ACTR2: variants seen among roughly 807,000 people sequenced by gnomAD.
ACTR2 encodes the protein actin related protein 2.
In ACTR2, 5 loss-of-function variants were observed where a neutral mutation model predicts 50.2. The ratio of observed to expected loss-of-function variants is 0.10; its 90% CI spans 0.05 to 0.21. ACTR2 has a LOEUF of 0.21. Ranked by LOEUF, ACTR2 falls within the 10% of genes least tolerant of loss-of-function variation. ACTR2 has a pLI of 1.00. For missense variants in ACTR2, 180 were observed against 480.6 expected (o/e 0.37, Z 5.85); for synonymous variants, 140 against 162.9 (o/e 0.86, Z 1.07).
chr2:65,255,630 G>C lies in ACTR2; in HGVS notation c.671G>C (p.Gly224Ala). 1 of 1,614,000 alleles carries C rather than the reference G, an allele frequency of 6.2e-7. No homozygotes were observed. Among genetic ancestry groups the C allele is most frequent in the East Asian group, 2.2e-5 (1 of 44,868 alleles). ...ATTAAAGAAAAACTGTGTTACGTGG[G>C]ATATAATATTGAGCAAGAGCAGAAA... ...RMIKEKLCYV[G>A]YNIEQEQKLA... The change falls in exon 6 of 9, where the codon GGA (glycine) becomes GCA (alanine). Residue 224 changes from glycine to alanine, a missense_variant. Transcript: ENST00000260641.
intron 8 of ACTR2, among the ~76,000 whole-genome samples, chr2:65,265,750 GT>G (rs1277707023): frequency 6.6e-6 from 1 of 152,100 alleles, no homozygotes; most frequent in Non-Finnish European, 1.5e-5. Context: ...TTTGGCATAG[GT>G]TTTTGTGTTT....
chr2:65,249,031 GAAAA>G (rs67899013), intron 3 of ACTR2, among the ~76,000 whole-genome samples: 4 of 143,702 alleles, frequency 2.8e-5, no homozygotes, highest in African/African-American at 9.9e-5. Context: ...AAAAGAAAAA[GAAAA>G]AAAAAGTTAA....
intron 1 of ACTR2, among the ~76,000 whole-genome samples, chr2:65,235,007 G>C (rs1671713457): frequency 1.3e-5 from 2 of 152,138 alleles, no homozygotes; most frequent in African/African-American, 4.8e-5. Context: ...AATTATGACT[G>C]ACATTAGGCT....
intron 1 of ACTR2, among the ~76,000 whole-genome samples, chr2:65,229,498 G>T (rs1022679806): frequency 6.6e-6 from 1 of 152,136 alleles, no homozygotes; most frequent in African/African-American, 2.4e-5. Flanking sequence ...GCTCATGCCT[G>T]TAATCCCAGC....
In ACTR2 at chr2:65,255,553, G is replaced by C; in HGVS notation, c.594G>C (p.Leu198=). ...DITRYLIKLL[L]LRGYAFNHSA... Reference sequence around the variant, plus strand: ...CTATTGTTTTGTACCAGCTACTTCTGTTGCGAGGATACGCCTTCAACCACT... The same window carrying C: ...CTATTGTTTTGTACCAGCTACTTCTCTTGCGAGGATACGCCTTCAACCACT... The change falls in exon 6 of 9, where the codon CTG becomes CTC. Residue 198 remains leucine (L), a synonymous_variant. Coordinates refer to ENST00000260641, the MANE Select transcript of ACTR2 (RefSeq NM_005722.4). 1 of 1,613,422 alleles carries C rather than the reference G, an allele frequency of 6.2e-7. No homozygotes were observed.
In ACTR2 at chr2:65,255,370, G is replaced by A. The variant is rs1672130916; in HGVS notation, c.586-175G>A. Among the ~76,000 whole-genome samples, 4 of 152,234 alleles carry A rather than the reference G, an allele frequency of 2.6e-5. 1 individual carries two copies. In the South Asian group the frequency reaches 8.3e-4, roughly 32 times the overall value. ...TAATTCTTTTACCCTCTCTGAAACT[G>A]AAATATAAATCCTTTTATGGCGGAT... On this transcript the variant is annotated intron_variant, in intron 5 of 8. Coordinates refer to ENST00000260641, the MANE Select transcript of ACTR2 (RefSeq NM_005722.4).
chr2:65,270,256 AAAATC>A lies in ACTR2; in HGVS notation c.*1526_*1530del, dbSNP rs1339250693. 1 of 152,662 alleles carries A rather than the reference AAAATC, an allele frequency of 6.6e-6. No individual in the cohort carries two copies. The highest frequency in any genetic ancestry group is 1.5e-5 in the Non-Finnish European group (1 of 68,042). The allele number at this position is 152,662 out of a possible 1,614,324, so 9.5% of individuals were successfully genotyped here. The stretch of plus-strand genomic sequence containing the variant: ...GAGGCTTAATTTGGGGGTGGTAACT[AAAATC>A]AAAAGAAATGATTGACTTGAGGGTC... On this transcript the variant is annotated 3_prime_UTR_variant, in exon 9 of 9. Coordinates refer to ENST00000260641, the MANE Select transcript of ACTR2 (RefSeq NM_005722.4).
intron 2 of ACTR2, among the ~76,000 whole-genome samples, chr2:65,241,621 T>C (rs1558622041): frequency 6.6e-6 from 1 of 152,174 alleles, no homozygotes; most frequent in Non-Finnish European, 1.5e-5. Context: ...ACTTGAACAC[T>C]AGAGCTTGGA....
At chr2:65,229,750 CAA>C (rs57953942) in intron 1 of ACTR2, among the ~76,000 whole-genome samples, 6 of 54,036 alleles carry the variant, frequency 1.1e-4, no homozygotes, top group East Asian at 6.4e-4. Flanking sequence ...GACTCCGTCT[CAA>C]AAAAAAAAAA....
chr2:65,227,886 C>G lies in ACTR2; in HGVS notation c.-24C>G. The G allele has an allele frequency of 6.6e-7, 1 of 1,504,544 alleles. No individual in the cohort carries two copies. Among genetic ancestry groups the G allele is most frequent in the Admixed American group, 2.3e-5 (1 of 44,442 alleles). The allele number at this position is 1,504,544 out of a possible 1,614,324, so 93.2% of individuals were successfully genotyped here. On this transcript the variant is annotated 5_prime_UTR_variant, in exon 1 of 9. Coordinates refer to ENST00000260641, the MANE Select transcript of ACTR2 (RefSeq NM_005722.4). The stretch of plus-strand genomic sequence containing the variant: ...GCGGTGGCTGTAGGTTGTGCGGCTG[C>G]AGCGGCTCTTCCCTGGGCGGACGAT...
At position 65,255,547 on chromosome 2, in the gene ACTR2, A is replaced by G. The variant is rs1334012885; in HGVS notation, c.588A>G (p.Leu196=). The G allele has an allele frequency of 3.1e-6, 5 of 1,613,088 alleles. No homozygotes were observed. Among genetic ancestry groups the G allele is most frequent in the Non-Finnish European group, 4.2e-6 (5 of 1,179,448 alleles). Residue 196 remains leucine, a splice_region_variant and synonymous_variant, in exon 6 of 9, where the codon CTA becomes CTG. Coordinates refer to ENST00000260641, the MANE Select transcript of ACTR2 (RefSeq NM_005722.4). ...TTATTGCTATTGTTTTGTACCAGCT[A>G]CTTCTGTTGCGAGGATACGCCTTCA... ...GRDITRYLIK[L]LLLRGYAFNH...
chr2:65,254,309 A>G (rs1269114114), intron 5 of ACTR2, among the ~76,000 whole-genome samples: 2 of 152,188 alleles, frequency 1.3e-5, no homozygotes, highest in Non-Finnish European at 2.9e-5. Flanking sequence ...AAATACAGTG[A>G]TAGCAAATTA....
chr2:65,246,814 C>T lies in ACTR2; in HGVS notation c.375+75C>T, dbSNP rs1035986178. On this transcript the variant is annotated intron_variant, in intron 3 of 8. Coordinates refer to ENST00000260641, the MANE Select transcript of ACTR2 (RefSeq NM_005722.4). ...TAAATCAAAAATTTTCTTACTGTTG[C>T]TATGGATAAAGAGAATAAAAATAAT... is the stretch of plus-strand genomic sequence containing the variant. The T allele has an allele frequency of 1.1e-5, 11 of 1,020,544 alleles. 1 individual carries two copies. In the South Asian group the frequency reaches 1.7e-4, roughly 16 times the overall value. 63.2% of individuals were successfully genotyped at this position (1,020,544 alleles called of 1,614,324 possible).
intron 7 of ACTR2, among the ~76,000 whole-genome samples, chr2:65,263,586 G>A (rs1672318139): frequency 6.6e-6 from 1 of 152,140 alleles, no homozygotes; most frequent in Non-Finnish European, 1.5e-5. Flanking sequence ...GATAGTAATA[G>A]AAATTAATAA....
intron 1 of ACTR2, among the ~76,000 whole-genome samples, chr2:65,229,539 T>G (rs1341700672): frequency 6.6e-6 from 1 of 151,990 alleles, no homozygotes; most frequent in Non-Finnish European, 1.5e-5. Flanking sequence ...GCGGATCACC[T>G]GAAGTCAGGA....
Position 65,268,974 on chromosome 2 carries a change from C to T in ACTR2, c.*240C>T. The T allele has an allele frequency of 2.4e-6, 1 of 416,696 alleles. No homozygotes were observed. The highest frequency in any genetic ancestry group is 4.3e-6 in the Non-Finnish European group (1 of 231,648). The allele number at this position is 416,696 out of a possible 1,614,324, so 25.8% of individuals were successfully genotyped here. A position where few individuals can be genotyped will look rare whatever the true frequency, so the allele number is the denominator to read the frequency against. On this transcript the variant is annotated 3_prime_UTR_variant, in exon 9 of 9. Transcript: ENST00000260641. ...AGAGGGCTAAGGATTCTGTCTGCTG[C>T]TTTGTTTCTTCTAAGTAGGCATTTA...
chr2:65,261,090 A>C (rs1238936469), intron 6 of ACTR2, among the ~76,000 whole-genome samples, 157 bp from the exon 7 acceptor site: 1 of 137,076 alleles, frequency 7.3e-6, no homozygotes, highest in Non-Finnish European at 1.6e-5. Context: ...AAATCTATTT[A>C]ATTTACCTTT....
intron 1 of ACTR2, among the ~76,000 whole-genome samples, chr2:65,237,911 G>A (rs924505791): frequency 6.6e-6 from 1 of 152,102 alleles, no homozygotes; most frequent in Non-Finnish European, 1.5e-5. Context: ...ACCCGTGGGC[G>A]GGGGCGGTGG....
At position 65,229,086 on chromosome 2, in the gene ACTR2, T is replaced by TA. The variant is rs1258753787; in HGVS notation, c.48+1141dup. ...CAAGAGTGAAACTCCGTCTCAATTA[T>TA]AAAAAAAAAAAATTGTTTCATTCAG... On this transcript the variant is annotated intron_variant, in intron 1 of 8. Transcript: ENST00000260641. Among the ~76,000 whole-genome samples, 99 of 144,322 alleles carry TA rather than the reference T, an allele frequency of 6.9e-4. No homozygotes were observed. In the Middle Eastern group the frequency reaches 0.011, roughly 15 times the overall value. 94.7% of individuals were successfully genotyped at this position (144,322 alleles called of 152,430 possible).
Sources: gnomAD v4.1 joint callset for allele counts (sites outside exome capture counted in the v4.1 genomes callset) on GRCh38, gnomAD v4.1.1 for gene constraint, MANE v1.5 for transcripts, NCBI Gene and HGNC (gene_info 2026-07-23, HGNC 2026-07-21) for gene names.